DCUN1D2: variants seen among roughly 807,000 people sequenced by gnomAD.
The protein encoded by DCUN1D2 is defective in cullin neddylation 1 domain containing 2.
Under a neutral mutation model 30.9 loss-of-function variants are expected in DCUN1D2, and 29 were observed. That is an observed-to-expected ratio of 0.94 (90% CI 0.70 to 1.28). The LOEUF (loss-of-function observed/expected upper bound fraction) is 1.28. Ranked by LOEUF, DCUN1D2 falls within the 50% of genes most tolerant of loss-of-function variation. The pLI is 0.00. For synonymous variants in DCUN1D2, 121 were observed against 115.3 expected (o/e 1.05, Z -0.32); for missense variants, 325 against 316.9 (o/e 1.03, Z -0.19).
chr13:113,477,187 C>A (rs972217878), intron 3 of DCUN1D2, among the ~76,000 whole-genome samples: 1 of 152,170 alleles, frequency 6.6e-6, no homozygotes, highest in Non-Finnish European at 1.5e-5. Context: ...AACCCACTAT[C>A]TATTGGGATT....
Position 113,474,273 on chromosome 13 carries a change from GT to G in DCUN1D2, c.390-20del. ...GTCACACCTGCGATGACAGAGAGTG[GT>G]TTGTCTTGCAGCAGATGCGCCTCCC... On this transcript the variant is annotated intron_variant, in intron 3 of 6. Coordinates refer to ENST00000478244, the MANE Select transcript of DCUN1D2 (RefSeq NM_001014283.2). 1.9e-6 allele frequency: 3 copies of G among 1,612,264 alleles called. No homozygotes were observed. Among genetic ancestry groups the G allele is most frequent in the Non-Finnish European group, 2.5e-6 (3 of 1,178,680 alleles).
rs149756059 is a variant in DCUN1D2 at position 113,488,642 on chromosome 13, C to T, written c.3+2025G>A. ...AGACATTGGCAGTAAGCTTTGAGTG[C>T]ACCAAGAGAGGACTGAACCCAGGTC... is the stretch of plus-strand genomic sequence containing the variant. On this transcript the variant is annotated intron_variant, in intron 1 of 6. Coordinates refer to ENST00000478244, the MANE Select transcript of DCUN1D2 (RefSeq NM_001014283.2). The surrounding 1 kb of genome is among the most constrained non-coding windows in gnomAD (Gnocchi z 4.3). 5.0e-3 allele frequency among the ~76,000 whole-genome samples: 760 copies of T among 152,278 alleles called. 7 individuals carry two copies. The highest frequency in any genetic ancestry group is 0.017 in the African/African-American group (722 of 41,552).
chr13:113,483,961 A>G lies in DCUN1D2; in HGVS notation c.99T>C (p.Asn33=). 1 of 1,614,216 alleles carries G rather than the reference A, an allele frequency of 6.2e-7. No homozygotes were observed. Among genetic ancestry groups the G allele is most frequent in the South Asian group, 1.1e-5 (1 of 91,084 alleles). Residue 33 remains asparagine (N), a synonymous_variant, in exon 2 of 7, where the codon AAT becomes AAC. Transcript: ENST00000478244. ...CCGTGGCCTCGTCTAGTCTCCACTC[A>G]TTCTGCGTTAAGCAGTAGATAGCAG... The part of the protein sequence containing the change: ...ERTAIYCLTQ[N]EWRLDEATDS...
chr13:113,477,507 T>G (rs968868761), intron 3 of DCUN1D2, among the ~76,000 whole-genome samples: 12 of 152,214 alleles, frequency 7.9e-5, no homozygotes, highest in Non-Finnish European at 1.8e-4. Context: ...ACGTCACTAT[T>G]GATTTGAATA....
At chr13:113,483,472 G>T (rs1320353151) in intron 2 of DCUN1D2, among the ~76,000 whole-genome samples, 2 of 152,010 alleles carry the variant, frequency 1.3e-5, no homozygotes, top group Non-Finnish European at 2.9e-5. Context: ...AGCCTAAATA[G>T]AAGTGCTTGA....
At chr13:113,460,512 C>T (rs1366627123) in intron 5 of DCUN1D2, among the ~76,000 whole-genome samples, 1 of 152,246 alleles carries the variant, frequency 6.6e-6, no homozygotes, top group Non-Finnish European at 1.5e-5. Context: ...CGCAGCCTTG[C>T]CCCGCACCAG....
In DCUN1D2 at chr13:113,457,303, AAAT is replaced by A. The variant is rs1399435252; in HGVS notation, c.*723_*725del. On this transcript the variant is annotated 3_prime_UTR_variant, in exon 7 of 7. Coordinates refer to ENST00000478244, the MANE Select transcript of DCUN1D2 (RefSeq NM_001014283.2). ...CTTTATGAAGCTTCTCAGGCAGGTCAAATAATATTTAAGTAAGAGAGGCCCAGT... is the reference window on the plus strand; with the variant it reads ...CTTTATGAAGCTTCTCAGGCAGGTCAAATATTTAAGTAAGAGAGGCCCAGT... The A allele has an allele frequency of 6.6e-6, 1 of 152,258 alleles. No individual in the cohort carries two copies. Among genetic ancestry groups the A allele is most frequent in the Non-Finnish European group, 1.5e-5 (1 of 68,050 alleles). 9.4% of individuals were successfully genotyped at this position (152,258 alleles called of 1,614,324 possible). A position where few individuals can be genotyped will look rare whatever the true frequency, so the allele number is the denominator to read the frequency against.
intron 4 of DCUN1D2, among the ~76,000 whole-genome samples, chr13:113,467,876 T>C (rs2044432250): frequency 6.6e-6 from 1 of 151,788 alleles, no homozygotes; most frequent in Non-Finnish European, 1.5e-5. Flanking sequence ...AAACCCCATC[T>C]CTACTAATAA....
In DCUN1D2 at chr13:113,490,511, G is replaced by A; in HGVS notation, c.3+156C>T. The A allele has an allele frequency of 1.2e-6, 1 of 811,932 alleles. No homozygotes were observed. The highest frequency in any genetic ancestry group is 3.1e-5 in the South Asian group (1 of 31,788). 50.3% of individuals were successfully genotyped at this position (811,932 alleles called of 1,614,324 possible). On this transcript the variant is annotated intron_variant, in intron 1 of 6. Coordinates refer to ENST00000478244, the MANE Select transcript of DCUN1D2 (RefSeq NM_001014283.2). This position sits in a 1 kb window ranked among gnomAD's most constrained non-coding sequence, Gnocchi z 5.2. Reference sequence around the variant, plus strand: ...GCCTCCGACGCCACCGCTCCGGCTCGCGGGCCCGCGGCGCGTTCCTCCCTC... The same window carrying A: ...GCCTCCGACGCCACCGCTCCGGCTCACGGGCCCGCGGCGCGTTCCTCCCTC...
intron 4 of DCUN1D2, among the ~76,000 whole-genome samples, chr13:113,463,512 C>T (rs992478504): frequency 6.6e-6 from 1 of 151,078 alleles, no homozygotes; most frequent in East Asian, 1.9e-4. Context: ...GGCAACAGAG[C>T]AAGACCCTCA....
intron 6 of DCUN1D2, 111 bp from the exon 7 acceptor site, chr13:113,458,219 G>A (rs767948827): frequency 3.0e-5 from 27 of 894,932 alleles, no homozygotes; most frequent in Non-Finnish European, 4.4e-5. Flanking sequence ...AATGACTTGA[G>A]GTCCACACCA....
rs1158551708 is a variant in DCUN1D2, at chr13:113,458,114, G to A, written c.701-6C>T. On this transcript the variant is annotated splice_region_variant and splice_polypyrimidine_tract_variant and intron_variant, in intron 6 of 6. Transcript: ENST00000478244. ...TATAAGAACGGGCCAAGCTCCTAAAGGAAAGCAAGCAAACAGAAAACCCGT... is the reference window on the plus strand; with the variant it reads ...TATAAGAACGGGCCAAGCTCCTAAAAGAAAGCAAGCAAACAGAAAACCCGT... The A allele has an allele frequency of 1.9e-6, 3 of 1,613,774 alleles. No homozygotes were observed. Among genetic ancestry groups the A allele is most frequent in the Non-Finnish European group, 2.5e-6 (3 of 1,179,838 alleles).
chr13:113,482,865 TG>T (rs2044734330), intron 2 of DCUN1D2, among the ~76,000 whole-genome samples: 1 of 152,034 alleles, frequency 6.6e-6, no homozygotes. Flanking sequence ...ATCGCTTGAA[TG>T]TGGGAGGCAG....
rs59075073 is a variant in DCUN1D2, at chr13:113,468,043, TAAAAAAAA to T, written c.520+6073_520+6080del. The stretch of plus-strand genomic sequence containing the variant: ...TGGGCGACAGAGCGAGGATCCATCT[TAAAAAAAA>T]AAAAAAAAAAAAAAGAATTAAAAGC... On this transcript the variant is annotated intron_variant, in intron 4 of 6. Transcript: ENST00000478244. Among the ~76,000 whole-genome samples, 424 of 97,210 alleles carry T rather than the reference TAAAAAAAA, an allele frequency of 4.4e-3. 3 individuals carry two copies. Among genetic ancestry groups the T allele is most frequent in the African/African-American group, 0.016 (389 of 24,954 alleles). 63.8% of individuals were successfully genotyped at this position (97,210 alleles called of 152,430 possible). A position where few individuals can be genotyped will look rare whatever the true frequency, so the allele number is the denominator to read the frequency against.
rs2044758298 is a variant in DCUN1D2, at chr13:113,484,015, A to G, written c.45T>C (p.Phe15=). Residue 15 remains phenylalanine (F), a synonymous_variant, in exon 2 of 7, where the codon TTT becomes TTC. Transcript: ENST00000478244. ...KSSQKDKVRQ[F]MACTQAGERT... ...TCTCGCCAGCCTGAGTGCACGCCAT[A>G]AACTGGCGGACCTTGTCCTTCTGAG... The G allele has an allele frequency of 6.2e-7, 1 of 1,614,148 alleles. No individual in the cohort carries two copies. Among genetic ancestry groups the G allele is most frequent in the Non-Finnish European group, 8.5e-7 (1 of 1,180,030 alleles).
intron 1 of DCUN1D2, among the ~76,000 whole-genome samples, chr13:113,487,251 C>G (rs1273187780): frequency 6.6e-6 from 1 of 152,108 alleles, no homozygotes; most frequent in African/African-American, 2.4e-5. Context: ...AAGTGCAGCC[C>G]CCAAAATGGT....
Position 113,456,172 on chromosome 13 carries a change from A to C in DCUN1D2, c.*1857T>G. 2.5e-6 allele frequency: 1 copy of C among 398,640 alleles called. No homozygotes were observed. The highest frequency in any genetic ancestry group is 4.4e-6 in the Non-Finnish European group (1 of 226,080). The allele number at this position is 398,640 out of a possible 1,614,324, so 24.7% of individuals were successfully genotyped here. ...CTCTCTGAGAATCGAAGACTTCTAA[A>C]GGTAGACAGGCCCAGTTTCCCATTA... On this transcript the variant is annotated 3_prime_UTR_variant, in exon 7 of 7. Coordinates refer to ENST00000478244, the MANE Select transcript of DCUN1D2 (RefSeq NM_001014283.2).
At position 113,480,645 on chromosome 13, in the gene DCUN1D2, A is replaced by G; in HGVS notation, c.319T>C (p.Trp107Arg). The G allele has an allele frequency of 6.2e-7, 1 of 1,614,168 alleles. No homozygotes were observed. The highest frequency in any genetic ancestry group is 1.1e-5 in the South Asian group (1 of 91,080). The change falls in exon 3 of 7, where the codon TGG (tryptophan) becomes CGG (arginine). Residue 107 changes from tryptophan (W) to arginine (R), a missense_variant. Trp to Arg is a moderately radical substitution (Grantham distance 101). Coordinates refer to ENST00000478244, the MANE Select transcript of DCUN1D2 (RefSeq NM_001014283.2). ...CACTGAGTTGCTGCCCTGAACTTCC[A>G]CGCTATGACCAATACACTGATACTG... ...PASISVLVIA[W>R]KFRAATQCEF... is the part of the protein sequence containing the mutation.
chr13:113,469,019 AGCAGAACAG>A (rs963835637), intron 4 of DCUN1D2: 1 of 152,528 alleles, frequency 6.6e-6, no homozygotes, highest in African/African-American at 2.4e-5. Context: ...AGTGCCTGGG[AGCAGAACAG>A]GCTGGGCGGG....
Sources: gnomAD v4.1 joint callset for allele counts (sites outside exome capture counted in the v4.1 genomes callset) on GRCh38, gnomAD v4.1.1 for gene constraint, Gnocchi (gnomAD v3.1) non-coding constraint, MANE v1.5 for transcripts, NCBI Gene and HGNC (gene_info 2026-07-23, HGNC 2026-07-21) for gene names.